The following TTC39A variants were observed in gnomAD, a reference collection of about 807,000 sequenced individuals.
The protein encoded by TTC39A is tetratricopeptide repeat protein 39A.
A neutral mutation model predicts 82.3 loss-of-function variants in TTC39A; 46 were observed. The observed-to-expected ratio is 0.56, with a 90% CI of 0.44 to 0.71. TTC39A has a LOEUF of 0.71. Among genes scored for constraint, TTC39A ranks in the 30% least tolerant of loss-of-function variants. The probability of loss-of-function intolerance (pLI) is 0.00; values close to 1 mark genes in which losing one functional copy is unlikely to be tolerated. For synonymous variants in TTC39A, 254 were observed against 275.2 expected, an observed-to-expected ratio of 0.92 and a Z score of 0.76; for missense variants, 543 against 712.9, an observed-to-expected ratio of 0.76 and a Z score of 2.71.
rs1039384490 is a variant in TTC39A at position 51,305,069 on chromosome 1, G to T, written c.654+12C>A. 6.2e-7 allele frequency: 1 copy of T among 1,612,916 alleles called. No individual in the cohort carries two copies. Among genetic ancestry groups the T allele is most frequent in the African/African-American group, 1.3e-5 (1 of 74,898 alleles). The stretch of plus-strand genomic sequence containing the variant: ...CTGAGCAGGTCAGGGGTGCTAGGAG[G>T]CAGGTGGTTACCTTGTTTCCTGAAA... On this transcript the variant is annotated intron_variant, in intron 8 of 17. Transcript: ENST00000680483.
intron 5 of TTC39A, 34 bp downstream of exon 5, chr1:51,311,220 A>G: frequency 6.5e-7 from 1 of 1,549,870 alleles, no homozygotes; most frequent in Non-Finnish European, 8.7e-7. Flanking sequence ...ATCTTCTGAA[A>G]TCCCAGCCTC....
Position 51,305,990 on chromosome 1 carries a change from C to T in TTC39A, c.575G>A (p.Gly192Glu), listed in dbSNP as rs755182084. ...HFEGGVKLGV[G>E]AFNLTLSMLP... ...AGGAGCACTCACCAGGTTGAAGGCC[C>T]CTACACCAAGCTTCACTCCTCCTTC... The change falls in exon 7 of 18, where the codon GGG (glycine) becomes GAG (glutamate). Residue 192 changes from glycine to glutamate, a missense_variant. By Grantham distance (98) the Gly-to-Glu change is moderately conservative (BLOSUM62 -2). Transcript: ENST00000680483. 1 of 1,613,896 alleles carries T rather than the reference C, an allele frequency of 6.2e-7. No homozygotes were observed.
chr1:51,304,982 T>C (rs1041793492), intron 8 of TTC39A, 99 bp downstream of exon 8: 50 of 1,301,372 alleles, frequency 3.8e-5, no homozygotes, highest in Admixed American at 8.9e-5. Flanking sequence ...TGAGCCAGGA[T>C]GGGCTCCTAG....
Position 51,290,003 on chromosome 1 carries a change from A to G in TTC39A, c.1493+2T>C. 6.2e-7 allele frequency: 1 copy of G among 1,612,168 alleles called. No individual in the cohort carries two copies. Among genetic ancestry groups the G allele is most frequent in the East Asian group, 2.2e-5 (1 of 44,860 alleles). ...AGAAGGAGCAGCTGCAGAGGCACTT[A>G]CTTGGCAGAGATGCTCCTAAAATTC... is the stretch of plus-strand genomic sequence containing the variant. On this transcript the variant is annotated splice_donor_variant, in intron 16 of 17. Transcript: ENST00000680483. LOFTEE classifies it high-confidence loss of function.
Position 51,312,849 on chromosome 1 carries a change from C to T in TTC39A, c.241G>A (p.Gly81Ser), listed in dbSNP as rs375152861. Residue 81 changes from glycine (G) to serine (S), a missense_variant, in exon 3 of 18, where the codon GGC (glycine) becomes AGC (serine). Transcript: ENST00000680483. ...TFDPQDILLAGNMMKEAQMLC... is the reference protein window; with the variant it reads ...TFDPQDILLASNMMKEAQMLC... ...ATCTGTGCCTCCTTCATCATGTTGCCGGCAAGCAGGATGTCCTGAGGGTCA... is the reference window on the plus strand; with the variant it reads ...ATCTGTGCCTCCTTCATCATGTTGCTGGCAAGCAGGATGTCCTGAGGGTCA... 15 of 1,613,908 alleles carry T rather than the reference C, an allele frequency of 9.3e-6. No homozygotes were observed. Among genetic ancestry groups the T allele is most frequent in the Admixed American group, 3.3e-5 (2 of 60,028 alleles).
rs906250390 is a variant in TTC39A, at chr1:51,288,268, C to A, written c.1623G>T (p.Lys541Asn). The A allele has an allele frequency of 2.5e-6, 4 of 1,613,820 alleles. No homozygotes were observed. The African/African-American group carries it at 4.0e-5, about 16-fold the overall frequency. The change falls in exon 18 of 18, where the codon AAG becomes AAT. Residue 541 changes from lysine (K) to asparagine (N), a missense_variant. By Grantham distance (94) the Lys-to-Asn change is moderately conservative. Coordinates refer to ENST00000680483, the MANE Select transcript of TTC39A (RefSeq NM_001297663.2). This position sits in a 1 kb window ranked among gnomAD's most constrained non-coding sequence, Gnocchi z 4.8. ...GTGTCCTTGACTCCATGGAGTAATT[C>A]TTGTAGTTTTGCCTGGAATTGAGCA... ...KLLESAKQNYKNYSMESRTHF... is the reference protein window; with the variant it reads ...KLLESAKQNYNNYSMESRTHF...
intron 8 of TTC39A, among the ~76,000 whole-genome samples, chr1:51,303,917 C>T (rs756061855): frequency 4.6e-5 from 7 of 152,222 alleles, no homozygotes; most frequent in Non-Finnish European, 8.8e-5. Context: ...CTGAAAGAGA[C>T]CTTCACAGCC....
intron 4 of TTC39A, 56 bp from the exon 5 acceptor site, chr1:51,311,377 G>C: frequency 1.3e-6 from 2 of 1,501,292 alleles, no homozygotes; most frequent in South Asian, 2.5e-5. Flanking sequence ...CAGGAGGCCT[G>C]GGACAAATCC....
intron 14 of TTC39A, 97 bp from the exon 15 acceptor site, chr1:51,290,722 A>G (rs1644178269): frequency 1.1e-6 from 1 of 929,306 alleles, no homozygotes; most frequent in East Asian, 2.6e-5. Flanking sequence ...GAGGTTCACT[A>G]AAGGACCTTC....
At chr1:51,309,517 A>T in intron 5 of TTC39A, 192 bp from the exon 6 acceptor site, 1 of 1,361,096 alleles carries the variant, frequency 7.3e-7, no homozygotes, top group Non-Finnish European at 9.7e-7. Context: ...GGGTTGGACC[A>T]GCCTCCCAGG....
At chr1:51,337,340 T>G (rs1379153855) in intron 1 of TTC39A, among the ~76,000 whole-genome samples, 1 of 152,010 alleles carries the variant, frequency 6.6e-6, no homozygotes, top group South Asian at 2.1e-4. Flanking sequence ...AATGCTCTTC[T>G]CACACGATTC....
chr1:51,311,444 C>T, intron 4 of TTC39A, 123 bp from the exon 5 acceptor site: 1 of 795,924 alleles, frequency 1.3e-6, no homozygotes, highest in Non-Finnish European at 2.0e-6. Flanking sequence ...TCTCCTGTCC[C>T]CTACCTCGTC....
At position 51,326,153 on chromosome 1, in the gene TTC39A, C is replaced by T. The variant is rs542487789; in HGVS notation, c.41+4284G>A. 2.4e-4 allele frequency among the ~76,000 whole-genome samples: 37 copies of T among 152,232 alleles called. No homozygotes were observed. In the South Asian group the frequency reaches 6.0e-3, roughly 25 times the overall value. On this transcript the variant is annotated intron_variant, in intron 1 of 17. Transcript: ENST00000680483. ...TGACAGATGCAGACAGGGCAGTGACCGCTACAGTGCTCAGGGCTGTGATCA... is the reference window on the plus strand; with the variant it reads ...TGACAGATGCAGACAGGGCAGTGACTGCTACAGTGCTCAGGGCTGTGATCA...
upstream of TTC39A, chr1:51,330,744 G>T: frequency 1.8e-6 from 1 of 549,896 alleles, no homozygotes; most frequent in Non-Finnish European, 2.4e-6. This position sits in a 1 kb window ranked among gnomAD's most constrained non-coding sequence, Gnocchi z 4.5. Context: ...TGAGAGCCCG[G>T]CGCCCTCTGC....
chr1:51,322,964 G>A (rs1645583637), intron 1 of TTC39A, among the ~76,000 whole-genome samples: 1 of 152,186 alleles, frequency 6.6e-6, no homozygotes, highest in African/African-American at 2.4e-5. Context: ...CTGAACTCGT[G>A]TTCATTCTCC....
Position 51,303,212 on chromosome 1 carries a change from G to C in TTC39A, c.655-20C>G, listed in dbSNP as rs1192197732. Reference sequence around the variant, plus strand: ...ATAGTCCTGAGGGGATGGGAGGGTGGGTGAGGCTCCCAGAGAGGGCAGGGG... The same window carrying C: ...ATAGTCCTGAGGGGATGGGAGGGTGCGTGAGGCTCCCAGAGAGGGCAGGGG... On this transcript the variant is annotated intron_variant, in intron 8 of 17. Transcript: ENST00000680483. 1 of 1,485,376 alleles carries C rather than the reference G, an allele frequency of 6.7e-7. No individual in the cohort carries two copies. Among genetic ancestry groups the C allele is most frequent in the Admixed American group, 2.0e-5 (1 of 51,084 alleles). 92.0% of individuals were successfully genotyped at this position (1,485,376 alleles called of 1,614,324 possible).
rs1025827879 is a variant in TTC39A at position 51,288,033 on chromosome 1, C to A, written c.*124G>T. On this transcript the variant is annotated 3_prime_UTR_variant, in exon 18 of 18. Coordinates refer to ENST00000680483, the MANE Select transcript of TTC39A (RefSeq NM_001297663.2). The surrounding 1 kb of genome is among the most constrained non-coding windows in gnomAD (Gnocchi z 4.8). ...TCTGCACGGATACACTATGTTGTGC[C>A]ATCCAACTGGAGTGCCGGTGGACCC... The A allele has an allele frequency of 2.1e-6, 3 of 1,415,208 alleles. No homozygotes were observed. The African/African-American group carries it at 4.3e-5, about 20-fold the overall frequency. The allele number at this position is 1,415,208 out of a possible 1,614,324, so 87.7% of individuals were successfully genotyped here.
intron 2 of TTC39A, among the ~76,000 whole-genome samples, chr1:51,320,674 G>C (rs1029028458): frequency 2.7e-5 from 4 of 149,688 alleles, no homozygotes; most frequent in Non-Finnish European, 5.9e-5. Context: ...GCTGGTCTCA[G>C]ACTCCTGGGC....
intron 1 of TTC39A, among the ~76,000 whole-genome samples, chr1:51,323,787 C>T (rs1429508948): frequency 2.0e-5 from 3 of 152,168 alleles, no homozygotes; most frequent in Admixed American, 6.5e-5. Context: ...TCAAGTCCAT[C>T]TTCAATTCCT....
Sources: gnomAD v4.1 joint callset for allele counts (sites outside exome capture counted in the v4.1 genomes callset) on GRCh38, gnomAD v4.1.1 for gene constraint, Gnocchi (gnomAD v3.1) non-coding constraint, MANE v1.5 for transcripts, NCBI Gene and HGNC (gene_info 2026-07-23, HGNC 2026-07-21) for gene names.